Variants in CPT1A observed in about 807,000 individuals in gnomAD.
CPT1A encodes carnitine O-palmitoyltransferase 1, liver isoform.
In CPT1A, 64 loss-of-function variants were observed where a neutral mutation model predicts 100.8. That is an observed-to-expected ratio of 0.63 (90% CI 0.52 to 0.78). The LOEUF is 0.78. Among genes scored for constraint, CPT1A ranks in the 30% least tolerant of loss-of-function variants. The pLI, the probability that CPT1A is intolerant of heterozygous loss-of-function variation, is 0.00. For synonymous variants in CPT1A, 363 were observed against 396.0 expected, an observed-to-expected ratio of 0.92 and a Z score of 0.99; for missense variants, 802 against 1,034.1, an observed-to-expected ratio of 0.78 and a Z score of 3.08.
chr11:68,796,771 A>G, intron 7 of CPT1A, 85 bp downstream of exon 7: 2 of 1,298,266 alleles, frequency 1.5e-6, no homozygotes, highest in Admixed American at 3.8e-5. Context: ...CAGGCCGTCC[A>G]CAGGCCTGTG....
At position 68,774,794 on chromosome 11, in the gene CPT1A, A is replaced by G. The variant is rs564861097; in HGVS notation, c.1575+522T>C. On this transcript the variant is annotated intron_variant, in intron 13 of 18. Transcript: ENST00000265641. ...GAGACTACATCTCAAAAAAAAAAAA[A>G]AAAAAGAAAAAGAAAATGGTATCTT... is the stretch of plus-strand genomic sequence containing the variant. 1.3e-4 allele frequency among the ~76,000 whole-genome samples: 20 copies of G among 151,346 alleles called. No homozygotes were observed. In the South Asian group the frequency reaches 2.3e-3, roughly 17 times the overall value.
At chr11:68,825,048 C>A (rs1467683872) in intron 1 of CPT1A, among the ~76,000 whole-genome samples, 1 of 152,094 alleles carries the variant, frequency 6.6e-6, no homozygotes, top group Non-Finnish European at 1.5e-5. Flanking sequence ...ATCTGCCCAA[C>A]TCGGCCTCCC....
chr11:68,761,411 A>G (rs2153994963), intron 16 of CPT1A, 124 bp downstream of exon 16: 1 of 1,096,420 alleles, frequency 9.1e-7, no homozygotes, highest in Non-Finnish European at 1.4e-6. Context: ...TGACAGCTAC[A>G]CCCACAGACC....
chr11:68,792,806 C>A (rs546947442), intron 9 of CPT1A, among the ~76,000 whole-genome samples: 1 of 152,174 alleles, frequency 6.6e-6, no homozygotes, highest in Non-Finnish European at 1.5e-5. Flanking sequence ...CCCAGCACTT[C>A]GGGAGGCCGA....
intron 5 of CPT1A, among the ~76,000 whole-genome samples, chr11:68,802,123 A>G (rs1035153124): frequency 3.3e-5 from 5 of 152,222 alleles, no homozygotes; most frequent in African/African-American, 9.6e-5. Context: ...AGAGGGAGGT[A>G]GAAGGATGGG....
At chr11:68,792,081 G>T (rs911864327) in intron 9 of CPT1A, among the ~76,000 whole-genome samples, 23 of 152,080 alleles carry the variant, frequency 1.5e-4, no homozygotes, top group Admixed American at 1.3e-3. Flanking sequence ...GCTCACATCT[G>T]TAATTCCAGC....
intron 1 of CPT1A, among the ~76,000 whole-genome samples, chr11:68,826,531 G>C (rs956650172): frequency 1.3e-5 from 2 of 151,526 alleles, no homozygotes; most frequent in Non-Finnish European, 2.9e-5. Context: ...TCAGGAGGTA[G>C]AGACCATCGT....
intron 14 of CPT1A, among the ~76,000 whole-genome samples, chr11:68,771,401 A>G (rs188037884): frequency 1.7e-4 from 26 of 152,354 alleles, no homozygotes; most frequent in African/African-American, 6.3e-4. Flanking sequence ...TAAGGTATCA[A>G]CTGCTTGCAT....
intron 1 of CPT1A, among the ~76,000 whole-genome samples, chr11:68,824,120 C>A (rs368229806): frequency 6.6e-6 from 1 of 150,830 alleles, no homozygotes; most frequent in Non-Finnish European, 1.5e-5. Context: ...CGGTGGCAGA[C>A]GCCTGTAATC....
Position 68,761,534 on chromosome 11 carries a change from C to T in CPT1A, c.2028+1G>A, listed in dbSNP as rs2153994981. ...TGACGGAAGAAGTGGAAGAGACTTACTTCCTTAAGGAAAGGGGACTCCACA... is the reference window on the plus strand; with the variant it reads ...TGACGGAAGAAGTGGAAGAGACTTATTTCCTTAAGGAAAGGGGACTCCACA... On this transcript the variant is annotated splice_donor_variant, in intron 16 of 18. Coordinates refer to ENST00000265641, the MANE Select transcript of CPT1A (RefSeq NM_001876.4). LOFTEE classifies it high-confidence loss of function. 6.2e-7 allele frequency: 1 copy of T among 1,613,932 alleles called. No individual in the cohort carries two copies. Among genetic ancestry groups the T allele is most frequent in the Non-Finnish European group, 8.5e-7 (1 of 1,179,944 alleles).
intron 18 of CPT1A, among the ~76,000 whole-genome samples, chr11:68,758,868 T>C (rs938662796): frequency 2.4e-4 from 37 of 151,716 alleles, no homozygotes; most frequent in Non-Finnish European, 4.1e-4. Flanking sequence ...TTGGCCAGCC[T>C]CAGCCTCCCA....
chr11:68,777,610 G>A (rs1003161591), intron 12 of CPT1A, among the ~76,000 whole-genome samples: 2 of 152,158 alleles, frequency 1.3e-5, no homozygotes, highest in African/African-American at 2.4e-5. Context: ...TCTGCTGGAC[G>A]CTAACAACTA....
chr11:68,814,597 T>C (rs1856330523), intron 2 of CPT1A, among the ~76,000 whole-genome samples: 2 of 152,214 alleles, frequency 1.3e-5, no homozygotes, highest in Non-Finnish European at 2.9e-5. Context: ...TGTGAGCCAC[T>C]GCACCCGGAC....
chr11:68,801,090 G>C (rs1325257543), intron 5 of CPT1A, among the ~76,000 whole-genome samples: 2 of 152,230 alleles, frequency 1.3e-5, no homozygotes, highest in Admixed American at 1.3e-4. Flanking sequence ...GCCTGGGCAA[G>C]AGAGTGAGAC....
chr11:68,760,128 T>G (rs1594315106), intron 17 of CPT1A, 97 bp downstream of exon 17: 2 of 836,778 alleles, frequency 2.4e-6, no homozygotes, highest in Non-Finnish European at 4.0e-6. Context: ...AACCGCAAGG[T>G]AACGGGGGCA....
Position 68,841,697 on chromosome 11 carries a change from G to A in CPT1A, c.-14+78C>T. 3.8e-6 allele frequency: 3 copies of A among 795,472 alleles called. No individual in the cohort carries two copies. Among genetic ancestry groups the A allele is most frequent in the Non-Finnish European group, 4.6e-6 (3 of 656,002 alleles). 49.3% of individuals were successfully genotyped at this position (795,472 alleles called of 1,614,324 possible). A position where few individuals can be genotyped will look rare whatever the true frequency, so the allele number is the denominator to read the frequency against. On this transcript the variant is annotated intron_variant, in intron 1 of 18. Transcript: ENST00000265641. This position sits in a 1 kb window ranked among gnomAD's most constrained non-coding sequence, Gnocchi z 6.3. ...ACCCGGTCCGGTTCCCGGCAGCCCC[G>A]CGCCCCGCCCGTCCCCGGCCCCCGC...
At chr11:68,808,919 A>G (rs1056251180) in intron 3 of CPT1A, among the ~76,000 whole-genome samples, 1 of 151,264 alleles carries the variant, frequency 6.6e-6, no homozygotes, top group African/African-American at 2.4e-5. Flanking sequence ...CAGCCTGGAC[A>G]ACATGGCAAA....
At chr11:68,773,800 G>C (rs1403387108) in intron 13 of CPT1A, 1 of 316,978 alleles carries the variant, frequency 3.2e-6, no homozygotes, top group Non-Finnish European at 6.2e-6. Context: ...TAGAAATGGA[G>C]CTGGTGACCA....
At chr11:68,839,446 G>A in intron 1 of CPT1A, 1 of 938,592 alleles carries the variant, frequency 1.1e-6, no homozygotes, top group African/African-American at 1.8e-5. Context: ...GCGCGTCCCA[G>A]GCGCTCGGAT....
Sources: allele counts gnomAD v4.1 joint callset (sites outside exome capture counted in the v4.1 genomes callset), GRCh38; gene constraint gnomAD v4.1.1; non-coding constraint Gnocchi (gnomAD v3.1); transcripts MANE v1.5; gene names NCBI Gene and HGNC (gene_info 2026-07-23, HGNC 2026-07-21).